A4GNT: variants seen among roughly 807,000 people sequenced by gnomAD.
The protein encoded by A4GNT is alpha-1,4-N-acetylglucosaminyltransferase.
A neutral mutation model predicts 8.3 loss-of-function variants in A4GNT; 6 were observed. That is an observed-to-expected ratio of 0.72 (90% CI 0.39 to 1.42). A4GNT has a LOEUF of 1.42. Ranked by LOEUF, A4GNT falls within the 40% of genes most tolerant of loss-of-function variation. The pLI is 0.02. For missense variants in A4GNT, 377 were observed against 417.0 expected (o/e 0.90, Z 0.84); for synonymous variants, 157 against 159.8 (o/e 0.98, Z 0.13).
In A4GNT at chr3:138,124,633, G is replaced by A; in HGVS notation, c.654C>T (p.Ala218=). 2 of 1,614,218 alleles carry A rather than the reference G, an allele frequency of 1.2e-6. No individual in the cohort carries two copies. The highest frequency in any genetic ancestry group is 2.7e-5 in the African/African-American group (2 of 75,046). The part of the protein sequence containing the change: ...MENFVEHYNS[A]IWGNQGPELM... Reference sequence around the variant, plus strand: ...ACTCAGGGCCTTGGTTGCCCCAAATGGCTGAATTATAGTGTTCAACAAAGT... The same window carrying A: ...ACTCAGGGCCTTGGTTGCCCCAAATAGCTGAATTATAGTGTTCAACAAAGT... Residue 218 remains alanine (A), a synonymous_variant, in exon 3 of 3, where the codon GCC becomes GCT. Coordinates refer to ENST00000236709, the MANE Select transcript of A4GNT (RefSeq NM_016161.3).
intron 2 of A4GNT, among the ~76,000 whole-genome samples, chr3:138,127,140 A>AAC (rs2042750700): frequency 6.6e-6 from 1 of 151,064 alleles, no homozygotes; most frequent in African/African-American, 2.4e-5. Context: ...AAAAAAAAAA[A>AAC]CAATAATTGT....
At position 138,123,986 on chromosome 3, in the gene A4GNT, A is replaced by G; in HGVS notation, c.*278T>C. On this transcript the variant is annotated 3_prime_UTR_variant, in exon 3 of 3. Coordinates refer to ENST00000236709, the MANE Select transcript of A4GNT (RefSeq NM_016161.3). ...GGTACTTGCAGGAAGTCTTCACAAA[A>G]TAAAGCAAGTGCACCTTTCCTCTTT... 2.6e-6 allele frequency: 1 copy of G among 389,416 alleles called. No individual in the cohort carries two copies. The highest frequency in any genetic ancestry group is 4.7e-6 in the Non-Finnish European group (1 of 214,110). 24.1% of individuals were successfully genotyped at this position (389,416 alleles called of 1,614,324 possible). A position where few individuals can be genotyped will look rare whatever the true frequency, so the allele number is the denominator to read the frequency against.
chr3:138,130,778 AC>A, intron 2 of A4GNT, 70 bp downstream of exon 2: 1 of 1,532,576 alleles, frequency 6.5e-7, no homozygotes, highest in Non-Finnish European at 8.8e-7. Flanking sequence ...CCCATCTCCG[AC>A]CTGAGTCCTT....
At chr3:138,129,484 G>A (rs34827811) in intron 2 of A4GNT, among the ~76,000 whole-genome samples, 3 of 152,194 alleles carry the variant, frequency 2.0e-5, no homozygotes, top group African/African-American at 7.2e-5. Context: ...TAGGAACTCA[G>A]GAGGAAATGC....
intron 2 of A4GNT, 118 bp downstream of exon 2, chr3:138,130,731 G>A (rs2042770896): frequency 1.9e-6 from 2 of 1,063,696 alleles, no homozygotes; most frequent in African/African-American, 1.6e-5. Context: ...GGTAAAAAGA[G>A]GGCCAAATGA....
rs1235077685 is a variant in A4GNT at position 138,124,348 on chromosome 3, G to T, written c.939C>A (p.Arg313=). The T allele has an allele frequency of 1.2e-6, 2 of 1,614,248 alleles. No individual in the cohort carries two copies. Among genetic ancestry groups the T allele is most frequent in the Non-Finnish European group, 1.7e-6 (2 of 1,180,052 alleles). ...GSNTLVENLY[R]KHCPRTYRDL... The stretch of plus-strand genomic sequence containing the variant: ...CCCTGTAAGTCCTGGGACAGTGCTT[G>T]CGATAGAGATTTTCCACCAGTGTGT... Residue 313 remains arginine (R), a synonymous_variant, in exon 3 of 3, where the codon CGC becomes CGA. Coordinates refer to ENST00000236709, the MANE Select transcript of A4GNT (RefSeq NM_016161.3).
At chr3:138,130,083 G>A (rs2042767254) in intron 2 of A4GNT, among the ~76,000 whole-genome samples, 1 of 150,562 alleles carries the variant, frequency 6.6e-6, no homozygotes, top group Admixed American at 6.6e-5. Flanking sequence ...AGTTCTTTCA[G>A]GTCTTTTTTT....
chr3:138,124,511 C>CT lies in A4GNT; in HGVS notation c.775dup (p.Arg259LysfsTer15), dbSNP rs770447419. The CT allele has an allele frequency of 6.2e-7, 1 of 1,614,210 alleles. No homozygotes were observed. The highest frequency in any genetic ancestry group is 8.5e-7 in the Non-Finnish European group (1 of 1,180,046). On this transcript the variant is annotated frameshift_variant, in exon 3 of 3. Coordinates refer to ENST00000236709, the MANE Select transcript of A4GNT (RefSeq NM_016161.3). LOFTEE classifies it low-confidence loss of function (END_TRUNC). Reference sequence around the variant, plus strand: ...CTCTCGATAGGAGATGGGGTAAAATCTTTGGGGGTGTAAGAAGGATATGTT... The same window carrying CT: ...CTCTCGATAGGAGATGGGGTAAAATCTTTTGGGGGTGTAAGAAGGATATGTT...
intron 2 of A4GNT, among the ~76,000 whole-genome samples, chr3:138,125,463 A>G (rs1232913896): frequency 6.6e-6 from 1 of 152,224 alleles, no homozygotes; most frequent in African/African-American, 2.4e-5. Context: ...GCAGTGAACA[A>G]ACAAACAGAA....
intron 2 of A4GNT, among the ~76,000 whole-genome samples, chr3:138,127,543 C>T (rs2042753350): frequency 1.3e-5 from 2 of 150,572 alleles, no homozygotes; most frequent in Non-Finnish European, 2.9e-5. Flanking sequence ...CACTGCACTC[C>T]AGCCTGTGCG....
At chr3:138,131,495 G>A (rs2042776715) in intron 1 of A4GNT, among the ~76,000 whole-genome samples, 1 of 152,034 alleles carries the variant, frequency 6.6e-6, no homozygotes, top group South Asian at 2.1e-4. Flanking sequence ...GGCTGAGGCA[G>A]GAGGATCCCC....
intron 2 of A4GNT, 78 bp downstream of exon 2, chr3:138,130,771 A>T (rs947353174): frequency 2.7e-6 from 4 of 1,504,640 alleles, no homozygotes; most frequent in East Asian, 2.3e-5. Context: ...TTCTATTCCC[A>T]TCTCCGACCT....
intron 1 of A4GNT, 85 bp from the exon 2 acceptor site, chr3:138,131,367 T>A: frequency 9.2e-7 from 1 of 1,082,844 alleles, no homozygotes. Context: ...TGAATATCAT[T>A]TAAAAACTTA....
At chr3:138,128,124 A>G (rs77344665) in intron 2 of A4GNT, among the ~76,000 whole-genome samples, 1 of 152,232 alleles carries the variant, frequency 6.6e-6, no homozygotes, top group East Asian at 1.9e-4. Context: ...CAGTTCAGAA[A>G]GATAAAGAGG....
At chr3:138,128,999 AC>A (rs982009318) in intron 2 of A4GNT, among the ~76,000 whole-genome samples, 1 of 151,492 alleles carries the variant, frequency 6.6e-6, no homozygotes, top group African/African-American at 2.4e-5. Flanking sequence ...GAATAAACTG[AC>A]CCCAGGAGCC....
intron 2 of A4GNT, among the ~76,000 whole-genome samples, chr3:138,126,060 A>C (rs1236796192): frequency 6.6e-6 from 1 of 152,174 alleles, no homozygotes; most frequent in Non-Finnish European, 1.5e-5. Flanking sequence ...CTGTGTGGAA[A>C]TCAGTCTGGG....
chr3:138,127,017 A>G (rs1177424723), intron 2 of A4GNT, among the ~76,000 whole-genome samples: 1 of 148,926 alleles, frequency 6.7e-6, no homozygotes, highest in Non-Finnish European at 1.5e-5. Flanking sequence ...CTGTAATCCC[A>G]GCTACTCTGG....
In A4GNT at chr3:138,124,617, C is replaced by A; in HGVS notation, c.670G>T (p.Gly224Cys). 1 of 1,614,232 alleles carries A rather than the reference C, an allele frequency of 6.2e-7. No individual in the cohort carries two copies. Among genetic ancestry groups the A allele is most frequent in the East Asian group, 2.2e-5 (1 of 44,886 alleles). The change falls in exon 3 of 3, where the codon GGC becomes TGC. Residue 224 changes from glycine to cysteine, a missense_variant. Physicochemically the swap from Gly to Cys is radical, Grantham distance 159 (BLOSUM62 -3). Transcript: ENST00000236709. ...HYNSAIWGNQGPELMTRMLRV... is the reference protein window; with the variant it reads ...HYNSAIWGNQCPELMTRMLRV... ...AACATCCTTGTCATCAACTCAGGGC[C>A]TTGGTTGCCCCAAATGGCTGAATTA...
Position 138,127,425 on chromosome 3 carries a change from T to G in A4GNT, c.409-2547A>C, listed in dbSNP as rs139659046. Among the ~76,000 whole-genome samples, 1,487 of 150,618 alleles carry G rather than the reference T, an allele frequency of 9.9e-3. 27 individuals carry two copies. The highest frequency in any genetic ancestry group is 0.034 in the African/African-American group (1,405 of 40,948). On this transcript the variant is annotated intron_variant, in intron 2 of 2. Coordinates refer to ENST00000236709, the MANE Select transcript of A4GNT (RefSeq NM_016161.3). ...CCCATCTCTACTAAAAATACAAAAA[T>G]TAGCTGGGCATGGTGGTGCGTGCTT...
Sources: gnomAD v4.1 joint callset for allele counts (sites outside exome capture counted in the v4.1 genomes callset) on GRCh38, gnomAD v4.1.1 for gene constraint, MANE v1.5 for transcripts, NCBI Gene and HGNC (gene_info 2026-07-23, HGNC 2026-07-21) for gene names.